CTIF: variants seen among roughly 807,000 people sequenced by gnomAD.
CTIF encodes cap binding complex dependent translation initiation factor, also known as CBP80/20-dependent translation initiation factor.
In CTIF, 21 loss-of-function variants were observed where a neutral mutation model predicts 66.0. That is an observed-to-expected ratio of 0.32 (90% CI 0.23 to 0.46). The LOEUF is 0.46. Ranked by LOEUF, CTIF falls within the 20% of genes least tolerant of loss-of-function variation. CTIF has a pLI of 1.00. For missense variants in CTIF, 739 were observed against 812.7 expected, an observed-to-expected ratio of 0.91 and a Z score of 1.10; for synonymous variants, 345 against 326.4, an observed-to-expected ratio of 1.06 and a Z score of -0.62.
intron 10 of CTIF, among the ~76,000 whole-genome samples, chr18:48,838,419 G>A (rs1272027838): frequency 1.3e-5 from 2 of 152,064 alleles, no homozygotes; most frequent in Non-Finnish European, 2.9e-5. Context: ...TGGCCGCCTG[G>A]AAGATGTCTC....
intron 7 of CTIF, among the ~76,000 whole-genome samples, chr18:48,720,465 C>T (rs1241422851): frequency 6.6e-6 from 1 of 152,110 alleles, no homozygotes; most frequent in Non-Finnish European, 1.5e-5. Flanking sequence ...GCTCACTTTG[C>T]CCACGGTTTG....
At chr18:48,847,770 A>C (rs2069112436) in intron 10 of CTIF, among the ~76,000 whole-genome samples, 1 of 152,180 alleles carries the variant, frequency 6.6e-6, no homozygotes, top group African/African-American at 2.4e-5. Flanking sequence ...TGAGATGCAG[A>C]GTGATTAAGT....
intron 1 of CTIF, chr18:48,565,737 G>A (rs1382280827): frequency 6.6e-6 from 1 of 152,262 alleles, no homozygotes; most frequent in African/African-American, 2.4e-5. Flanking sequence ...GCTCTCAGGA[G>A]GGTAGTGCCC....
At chr18:48,629,929 G>C (rs1304801663) in intron 2 of CTIF, among the ~76,000 whole-genome samples, 3 of 152,124 alleles carry the variant, frequency 2.0e-5, no homozygotes, top group African/African-American at 7.2e-5. Flanking sequence ...TATATAGTCT[G>C]GTGATTAATT....
rs115423987 is a variant in CTIF, at chr18:48,791,836, G to A, written c.1372-25385G>A. On this transcript the variant is annotated intron_variant, in intron 9 of 11. Coordinates refer to ENST00000256413, the MANE Select transcript of CTIF (RefSeq NM_014772.3). ...TGGAGTCTATCTGTGCCCTCACTGGGCACTCAGCTTTTGCCACCTGGTGTT... is the reference window on the plus strand; with the variant it reads ...TGGAGTCTATCTGTGCCCTCACTGGACACTCAGCTTTTGCCACCTGGTGTT... Among the ~76,000 whole-genome samples, 946 of 152,278 alleles carry A rather than the reference G, an allele frequency of 6.2e-3. 10 individuals carry two copies. The highest frequency in any genetic ancestry group is 0.022 in the African/African-American group (894 of 41,552).
chr18:48,653,996 A>G (rs990964807), intron 3 of CTIF, among the ~76,000 whole-genome samples: 1 of 152,204 alleles, frequency 6.6e-6, no homozygotes, highest in Non-Finnish European at 1.5e-5. Flanking sequence ...TAAAGACTTA[A>G]ATGTTAGACC....
chr18:48,616,367 G>GGGGCCAGCTCTCCGGAACCTC (rs2090400459), intron 1 of CTIF, among the ~76,000 whole-genome samples: 1 of 152,212 alleles, frequency 6.6e-6, no homozygotes, highest in Non-Finnish European at 1.5e-5. Context: ...TCCGGAACCT[G>GGGGCCAGCTCTCCGGAACCTC]TGCCCAGCTG....
chr18:48,841,613 C>T (rs2068944484), intron 10 of CTIF, among the ~76,000 whole-genome samples: 1 of 152,238 alleles, frequency 6.6e-6, no homozygotes, highest in Non-Finnish European at 1.5e-5. Context: ...CAGCAGGCGC[C>T]ACTTCTGTCT....
At chr18:48,695,965 C>T (rs2145323795) in intron 6 of CTIF, among the ~76,000 whole-genome samples, 1 of 152,344 alleles carries the variant, frequency 6.6e-6, no homozygotes, top group Middle Eastern at 3.4e-3. Context: ...TCTCCTTTTT[C>T]TTTATGTTCT....
chr18:48,553,725 AG>A (rs1435162028), intron 1 of CTIF, among the ~76,000 whole-genome samples: 2 of 148,964 alleles, frequency 1.3e-5, no homozygotes, highest in East Asian at 4.0e-4. Context: ...GCGTGATCTC[AG>A]CTCACTGCAA....
At chr18:48,614,459 A>G (rs1352895535) in intron 1 of CTIF, among the ~76,000 whole-genome samples, 1 of 152,260 alleles carries the variant, frequency 6.6e-6, no homozygotes, top group Non-Finnish European at 1.5e-5. Flanking sequence ...CCAAATGCCC[A>G]TCAGTGGATG....
chr18:48,604,535 C>G (rs1482161667), intron 1 of CTIF, among the ~76,000 whole-genome samples: 1 of 152,158 alleles, frequency 6.6e-6, no homozygotes, highest in Non-Finnish European at 1.5e-5. Flanking sequence ...ATTCTAACAA[C>G]TATGGTTTTT....
At chr18:48,772,360 G>A (rs1160255499) in intron 9 of CTIF, among the ~76,000 whole-genome samples, 1 of 151,906 alleles carries the variant, frequency 6.6e-6, no homozygotes, top group African/African-American at 2.4e-5. Context: ...AGTTTTAAGT[G>A]CACAGTTCAG....
chr18:48,741,275 CCCCCG>C (rs386803032), intron 7 of CTIF, among the ~76,000 whole-genome samples: 6 of 85,968 alleles, frequency 7.0e-5, no homozygotes, highest in East Asian at 1.2e-3. Context: ...CTTTACTCTG[CCCCCG>C]CCCCCCCTCC....
chr18:48,677,055 C>T (rs770131231), intron 6 of CTIF, among the ~76,000 whole-genome samples: 3 of 152,230 alleles, frequency 2.0e-5, no homozygotes, highest in South Asian at 2.1e-4. Context: ...CCTCTGTAGC[C>T]GGGTTCCCAG....
At chr18:48,572,356 A>G (rs1416312520) in intron 1 of CTIF, among the ~76,000 whole-genome samples, 1 of 152,230 alleles carries the variant, frequency 6.6e-6, no homozygotes, top group African/African-American at 2.4e-5. Context: ...GTCAATACGT[A>G]GAATTAACCA....
intron 1 of CTIF, among the ~76,000 whole-genome samples, chr18:48,576,227 A>T (rs2089528291): frequency 6.6e-6 from 1 of 152,228 alleles, no homozygotes; most frequent in Admixed American, 6.5e-5. Context: ...AAGATCAAAT[A>T]TGTGGCCTTC....
At chr18:48,821,370 A>G (rs1356715410) in intron 10 of CTIF, among the ~76,000 whole-genome samples, 4 of 152,228 alleles carry the variant, frequency 2.6e-5, no homozygotes, top group Non-Finnish European at 5.9e-5. Context: ...GAAGATTATC[A>G]TCCCCATTTT....
chr18:48,741,283 CCCCCT>C (rs1555683441), intron 7 of CTIF, among the ~76,000 whole-genome samples: 15 of 149,046 alleles, frequency 1.0e-4, no homozygotes, highest in South Asian at 6.7e-4. Context: ...TGCCCCCGCC[CCCCCT>C]CCTTGGTACA....
Sources: gnomAD v4.1 joint callset for allele counts (sites outside exome capture counted in the v4.1 genomes callset) on GRCh38, gnomAD v4.1.1 for gene constraint, MANE v1.5 for transcripts, NCBI Gene and HGNC (gene_info 2026-07-23, HGNC 2026-07-21) for gene names.